The following PARP15 variants were observed in gnomAD, a reference collection of about 807,000 sequenced individuals.
The protein encoded by PARP15 is protein mono-ADP-ribosyltransferase PARP15.
In PARP15, 50 loss-of-function variants were observed where a neutral mutation model predicts 62.1. The ratio of observed to expected loss-of-function variants is 0.81; its 90% CI spans 0.64 to 1.02. PARP15 has a LOEUF of 1.02. Among genes scored for constraint, PARP15 ranks in the 50% least tolerant of loss-of-function variants. PARP15 has a pLI of 0.00. For synonymous variants in PARP15, 309 were observed against 293.1 expected (o/e 1.05, Z -0.55); for missense variants, 820 against 826.5 (o/e 0.99, Z 0.10).
At chr3:122,594,994 C>A (rs1462648224) in intron 1 of PARP15, 12 of 487,270 alleles carry the variant, frequency 2.5e-5, no homozygotes, top group Non-Finnish European at 2.9e-5. Flanking sequence ...GGATTAATTT[C>A]TCTTCCTTCT....
intron 9 of PARP15, among the ~76,000 whole-genome samples, chr3:122,629,100 A>C (rs1414738674): frequency 6.6e-6 from 1 of 152,198 alleles, no homozygotes; most frequent in Non-Finnish European, 1.5e-5. Context: ...TGATTGGCTT[A>C]AGTGTGAGAA....
At chr3:122,633,824 A>G (rs1436828775) in intron 10 of PARP15, among the ~76,000 whole-genome samples, 8 of 152,198 alleles carry the variant, frequency 5.3e-5, no homozygotes, top group South Asian at 2.1e-4. Context: ...TGTTTACACA[A>G]TATCTGTGAC....
At chr3:122,594,865 G>T (rs1553247) in intron 1 of PARP15, 874,887 of 979,700 alleles carry the variant, frequency 0.89, 391,513 homozygotes, top group East Asian at 0.92. Flanking sequence ...CCACTTGATG[G>T]TGAATGTAAT....
chr3:122,611,710 T>C (rs970780940), intron 3 of PARP15, among the ~76,000 whole-genome samples: 1 of 151,910 alleles, frequency 6.6e-6, no homozygotes, highest in African/African-American at 2.4e-5. Context: ...TGCATATTTA[T>C]TTATTTATTT....
rs1937425557 is a variant in PARP15 at position 122,637,307 on chromosome 3, T to A, written c.*1207T>A. On this transcript the variant is annotated 3_prime_UTR_variant, in exon 12 of 12. Transcript: ENST00000464300. ...TGATCACTTTCAGCACTCAACATCT[T>A]CAGGGAACCTATTCCGCCGTGGGAC... is the stretch of plus-strand genomic sequence containing the variant. 1 of 152,114 alleles carries A rather than the reference T, an allele frequency of 6.6e-6. No individual in the cohort carries two copies. The highest frequency in any genetic ancestry group is 6.6e-5 in the Admixed American group (1 of 15,264). 9.4% of individuals were successfully genotyped at this position (152,114 alleles called of 1,614,324 possible).
rs559764159 is a variant in PARP15, at chr3:122,625,791, G to A, written c.1232-1036G>A. On this transcript the variant is annotated intron_variant, in intron 8 of 11. Coordinates refer to ENST00000464300, the MANE Select transcript of PARP15 (RefSeq NM_001113523.3). Reference sequence around the variant, plus strand: ...TCAGTTTCTCTTACTTCAGCCCCCCGTCCATGGCTTTTTGTACCGCAGCCC... The same window carrying A: ...TCAGTTTCTCTTACTTCAGCCCCCCATCCATGGCTTTTTGTACCGCAGCCC... 6.6e-5 allele frequency among the ~76,000 whole-genome samples: 10 copies of A among 152,216 alleles called. No individual in the cohort carries two copies. The East Asian group carries it at 1.2e-3, about 18-fold the overall frequency.
intron 8 of PARP15, among the ~76,000 whole-genome samples, chr3:122,623,058 C>A (rs765000313): frequency 6.6e-5 from 10 of 152,202 alleles, no homozygotes; most frequent in Non-Finnish European, 1.3e-4. Context: ...TACATTCTTC[C>A]TGGCTTCCAC....
chr3:122,593,131 T>C (rs1385031020), intron 1 of PARP15, among the ~76,000 whole-genome samples: 1 of 149,686 alleles, frequency 6.7e-6, no homozygotes, highest in Non-Finnish European at 1.5e-5. Flanking sequence ...TATGTATCTA[T>C]CTATCATGTA....
Position 122,638,859 on chromosome 3 carries a change from GTTC to G in PARP15, c.*2762_*2764del, listed in dbSNP as rs1448589213. 3.3e-5 allele frequency: 5 copies of G among 151,836 alleles called. No homozygotes were observed. The highest frequency in any genetic ancestry group is 6.6e-5 in the Admixed American group (1 of 15,262). The allele number at this position is 151,836 out of a possible 1,614,324, so 9.4% of individuals were successfully genotyped here. A position where few individuals can be genotyped will look rare whatever the true frequency, so the allele number is the denominator to read the frequency against. On this transcript the variant is annotated 3_prime_UTR_variant, in exon 12 of 12. Transcript: ENST00000464300. ...TAAACATTACAAGTTGTTCTCTTGT[GTTC>G]TTATTTTTTCTGTAAACATAATTTT...
chr3:122,623,290 G>C (rs1426701688), intron 8 of PARP15, among the ~76,000 whole-genome samples: 2 of 152,176 alleles, frequency 1.3e-5, no homozygotes, highest in Non-Finnish European at 2.9e-5. Flanking sequence ...TCTGCTACTT[G>C]GCACTGGGCA....
rs1937487534 is a variant in PARP15, at chr3:122,638,845, AGTT to A, written c.*2749_*2751del. The A allele has an allele frequency of 6.6e-6, 1 of 152,102 alleles. No individual in the cohort carries two copies. The highest frequency in any genetic ancestry group is 1.5e-5 in the Non-Finnish European group (1 of 68,028). 9.4% of individuals were successfully genotyped at this position (152,102 alleles called of 1,614,324 possible). ...CTACCATTTTTCATTAAACATTACAAGTTGTTCTCTTGTGTTCTTATTTTTTCT... is the reference window on the plus strand; with the variant it reads ...CTACCATTTTTCATTAAACATTACAAGTTCTCTTGTGTTCTTATTTTTTCT... On this transcript the variant is annotated 3_prime_UTR_variant, in exon 12 of 12. Coordinates refer to ENST00000464300, the MANE Select transcript of PARP15 (RefSeq NM_001113523.3).
intron 10 of PARP15, among the ~76,000 whole-genome samples, chr3:122,634,003 T>A (rs2107608525): frequency 6.6e-6 from 1 of 152,212 alleles, no homozygotes; most frequent in Non-Finnish European, 1.5e-5. Flanking sequence ...GTCAACCCCC[T>A]CACACATTCC....
intron 9 of PARP15, 98 bp downstream of exon 9, chr3:122,627,131 C>T (rs1415470175): frequency 5.7e-6 from 6 of 1,055,454 alleles, no homozygotes; most frequent in African/African-American, 3.2e-5. Context: ...GTTTTCTATT[C>T]GTTTTAGGAC....
intron 1 of PARP15, among the ~76,000 whole-genome samples, chr3:122,579,640 T>C (rs73192148): frequency 0.13 from 19,121 of 152,050 alleles, 1,294 homozygotes; most frequent in East Asian, 0.22. Flanking sequence ...TTAAATTTCA[T>C]TGTGGTCAGA....
chr3:122,594,725 A>G, intron 1 of PARP15: 2 of 965,324 alleles, frequency 2.1e-6, no homozygotes, highest in Non-Finnish European at 2.5e-6. Context: ...TACAATACCA[A>G]TAAGTTGATT....
chr3:122,607,371 C>T (rs1374098039), intron 2 of PARP15, among the ~76,000 whole-genome samples: 1 of 152,168 alleles, frequency 6.6e-6, no homozygotes, highest in Non-Finnish European at 1.5e-5. Flanking sequence ...AAATACTGCT[C>T]CACCACTCAG....
rs1253625852 is a variant in PARP15 at position 122,636,541 on chromosome 3, A to G, written c.*441A>G. ...TCACAGTTGGGGATTTTGCCTTATT[A>G]AGGAAAACTTGTCAATAGTTCAGCT... is the stretch of plus-strand genomic sequence containing the variant. On this transcript the variant is annotated 3_prime_UTR_variant, in exon 12 of 12. Transcript: ENST00000464300. The G allele has an allele frequency of 6.2e-6, 1 of 160,782 alleles. No individual in the cohort carries two copies. Among genetic ancestry groups the G allele is most frequent in the Non-Finnish European group, 1.4e-5 (1 of 72,746 alleles). 10.0% of individuals were successfully genotyped at this position (160,782 alleles called of 1,614,324 possible). A position where few individuals can be genotyped will look rare whatever the true frequency, so the allele number is the denominator to read the frequency against.
At chr3:122,619,659 C>T (rs569149692) in intron 6 of PARP15, 122 bp from the exon 7 acceptor site, 15 of 798,792 alleles carry the variant, frequency 1.9e-5, no homozygotes, top group African/African-American at 5.1e-5. Flanking sequence ...GTTGGTCGGG[C>T]GTGGGGGTGG....
chr3:122,580,795 A>T (rs1206962458), intron 1 of PARP15, among the ~76,000 whole-genome samples: 1 of 150,038 alleles, frequency 6.7e-6, no homozygotes, highest in Non-Finnish European at 1.5e-5. Context: ...GGCTATTGTG[A>T]CTAATAATAA....
Sources: gnomAD v4.1 joint callset for allele counts (sites outside exome capture counted in the v4.1 genomes callset) on GRCh38, gnomAD v4.1.1 for gene constraint, MANE v1.5 for transcripts, NCBI Gene and HGNC (gene_info 2026-07-23, HGNC 2026-07-21) for gene names.